Variants in NBEA observed in about 807,000 individuals in gnomAD.
NBEA encodes neurobeachin.
In NBEA, 44 loss-of-function variants were observed where a neutral mutation model predicts 343.4. The ratio of observed to expected loss-of-function variants is 0.13; its 90% confidence interval spans 0.10 to 0.16. The LOEUF (loss-of-function observed/expected upper bound fraction) is 0.16, where lower values mean the gene tolerates loss of function less well. NBEA is among the 10% of genes least tolerant of loss of function. The pLI, the probability that NBEA is intolerant of heterozygous loss-of-function variation, is 1.00. For synonymous variants in NBEA, 1,175 were observed against 1,238.7 expected, an observed-to-expected ratio of 0.95 and a Z score of 1.08; for missense variants, 2,555 against 3,631.3, an observed-to-expected ratio of 0.70 and a Z score of 7.62.
intron 40 of NBEA, among the ~76,000 whole-genome samples, chr13:35,457,623 T>C (rs1437914247): frequency 6.6e-6 from 1 of 152,194 alleles, no homozygotes; most frequent in African/African-American, 2.4e-5. Flanking sequence ...TTTTTTTGTT[T>C]TTTGAGATAG....
At chr13:35,076,202 C>T (rs1351666085) in intron 10 of NBEA, among the ~76,000 whole-genome samples, 1 of 151,430 alleles carries the variant, frequency 6.6e-6, no homozygotes, top group Non-Finnish European at 1.5e-5. Context: ...AAGAATATAC[C>T]ACTGATATGT....
intron 33 of NBEA, among the ~76,000 whole-genome samples, chr13:35,228,236 A>G (rs1013066843): frequency 1.3e-5 from 2 of 152,090 alleles, no homozygotes; most frequent in Non-Finnish European, 2.9e-5. Context: ...TTTTAATCCA[A>G]TCATTGGAGC....
chr13:35,324,607 T>G (rs1418456002), intron 36 of NBEA, among the ~76,000 whole-genome samples: 1 of 152,238 alleles, frequency 6.6e-6, no homozygotes, highest in South Asian at 2.1e-4. Context: ...ACACTCATTA[T>G]GTAGTTAGTT....
intron 48 of NBEA, among the ~76,000 whole-genome samples, chr13:35,619,123 C>CA (rs2082867104): frequency 6.6e-6 from 1 of 150,448 alleles, no homozygotes; most frequent in Non-Finnish European, 1.5e-5. Flanking sequence ...GTATAATCTA[C>CA]TTTTAAAAAC....
At chr13:34,959,588 G>C (rs1346315867) in intron 1 of NBEA, among the ~76,000 whole-genome samples, 1 of 152,122 alleles carries the variant, frequency 6.6e-6, no homozygotes, top group African/African-American at 2.4e-5. Flanking sequence ...TTAGGAGTCT[G>C]TTGAGTAGCT....
intron 41 of NBEA, among the ~76,000 whole-genome samples, chr13:35,508,081 A>G (rs552917485): frequency 6.6e-6 from 1 of 152,292 alleles, no homozygotes; most frequent in Admixed American, 6.5e-5. Flanking sequence ...GTAGATGAAG[A>G]AATAGAGACT....
intron 28 of NBEA, among the ~76,000 whole-genome samples, chr13:35,180,008 T>A (rs1237181371): frequency 6.6e-6 from 1 of 151,742 alleles, no homozygotes; most frequent in East Asian, 1.9e-4. Context: ...CAGAACAGAT[T>A]TTGTGTATTT....
chr13:35,292,747 G>T (rs1187496901), intron 35 of NBEA, among the ~76,000 whole-genome samples: 1 of 151,994 alleles, frequency 6.6e-6, no homozygotes, highest in Non-Finnish European at 1.5e-5. Flanking sequence ...TCCACAGTGA[G>T]AAATCCAACT....
intron 1 of NBEA, among the ~76,000 whole-genome samples, chr13:34,984,655 A>G (rs558620934): frequency 6.6e-6 from 1 of 151,068 alleles, no homozygotes; most frequent in East Asian, 1.9e-4. Flanking sequence ...TTTTCACGAT[A>G]TTGATTCTTC....
At chr13:35,327,386 T>C (rs755731917) in intron 36 of NBEA, among the ~76,000 whole-genome samples, 1 of 152,014 alleles carries the variant, frequency 6.6e-6, no homozygotes, top group Non-Finnish European at 1.5e-5. Context: ...TAGGTGCCCA[T>C]CAGTGGTGGA....
chr13:35,660,510 GC>G (rs2085040198), intron 55 of NBEA, among the ~76,000 whole-genome samples: 1 of 152,114 alleles, frequency 6.6e-6, no homozygotes, highest in Admixed American at 6.5e-5. Flanking sequence ...CGGGCATTAT[GC>G]AGACTGTCAA....
intron 35 of NBEA, among the ~76,000 whole-genome samples, chr13:35,308,001 C>A (rs2037011706): frequency 1.3e-5 from 2 of 151,972 alleles, no homozygotes; most frequent in African/African-American, 4.8e-5. Context: ...TTTGTACTAT[C>A]CCCAAGTTAC....
intron 41 of NBEA, chr13:35,475,574 G>A (rs1219026539): frequency 6.2e-7 from 1 of 1,613,572 alleles, no homozygotes; most frequent in Non-Finnish European, 8.5e-7. Context: ...ATGTGGGGAA[G>A]TGGCCAGTGG....
At chr13:35,168,726 TA>T (rs2070234578) in intron 24 of NBEA, among the ~76,000 whole-genome samples, 1 of 151,372 alleles carries the variant, frequency 6.6e-6, no homozygotes. Flanking sequence ...ATATATGAAC[TA>T]TACTTATATA....
At chr13:35,614,119 C>T (rs181243115) in intron 48 of NBEA, among the ~76,000 whole-genome samples, 54 of 152,288 alleles carry the variant, frequency 3.5e-4, no homozygotes, top group Admixed American at 9.8e-4. Context: ...AACATTTTCT[C>T]ATATGTCCAT....
chr13:34,967,271 G>A (rs764163049), intron 1 of NBEA, among the ~76,000 whole-genome samples: 7 of 151,348 alleles, frequency 4.6e-5, no homozygotes, highest in Admixed American at 3.3e-4. Flanking sequence ...AATGAAGGTT[G>A]GGTTAGATAT....
intron 35 of NBEA, among the ~76,000 whole-genome samples, chr13:35,297,352 T>A (rs2036206188): frequency 6.6e-6 from 1 of 152,054 alleles, no homozygotes; most frequent in Non-Finnish European, 1.5e-5. Flanking sequence ...GTTTATATGT[T>A]TTAATTGGAT....
At chr13:35,214,743 G>T (rs897608765) in intron 33 of NBEA, among the ~76,000 whole-genome samples, 6 of 151,574 alleles carry the variant, frequency 4.0e-5, no homozygotes, top group Non-Finnish European at 8.9e-5. Flanking sequence ...TGTGCCATTT[G>T]TAAATCATAA....
chr13:35,352,585 G>C (rs933940637), intron 38 of NBEA, among the ~76,000 whole-genome samples: 1 of 152,024 alleles, frequency 6.6e-6, no homozygotes, highest in Non-Finnish European at 1.5e-5. Context: ...GGTTAGGCAA[G>C]TATTTTAGTC....
Sources: gnomAD v4.1 joint callset for allele counts (sites outside exome capture counted in the v4.1 genomes callset) on GRCh38, gnomAD v4.1.1 for gene constraint, MANE v1.5 for transcripts, NCBI Gene and HGNC (gene_info 2026-07-23, HGNC 2026-07-21) for gene names.